The following LINGO2 variants were observed in gnomAD, a reference collection of about 807,000 sequenced individuals.
LINGO2 encodes the protein leucine rich repeat and Ig domain containing 2, also known as leucine-rich repeat and immunoglobulin-like domain-containing nogo receptor-interacting protein 2.
A neutral mutation model predicts 30.6 loss-of-function variants in LINGO2; 14 were observed. The ratio of observed to expected loss-of-function variants is 0.46; its 90% CI spans 0.30 to 0.72. The LOEUF is 0.72. LINGO2 is among the 30% of genes least tolerant of loss of function. The pLI, the probability that LINGO2 is intolerant of heterozygous loss-of-function variation, is 0.07. For synonymous variants in LINGO2, 317 were observed against 288.5 expected, an observed-to-expected ratio of 1.10 and a Z score of -1.00; for missense variants, 729 against 751.7, an observed-to-expected ratio of 0.97 and a Z score of 0.35.
chr9:28,459,407 G>A (rs1016913631), intron 2 of LINGO2, among the ~76,000 whole-genome samples: 10 of 152,204 alleles, frequency 6.6e-5, no homozygotes, highest in South Asian at 2.1e-4. Flanking sequence ...AGAGTCAGTA[G>A]GGATAGTGAT....
At chr9:28,102,200 T>C (rs1826438056) in intron 4 of LINGO2, among the ~76,000 whole-genome samples, 1 of 152,008 alleles carries the variant, frequency 6.6e-6, no homozygotes, top group Admixed American at 6.6e-5. Flanking sequence ...CTATAAAATA[T>C]TTCTGGTGGG....
chr9:28,729,868 T>G, the LINGO2 span, among the ~76,000 whole-genome samples: 1 of 151,812 alleles, frequency 6.6e-6, no homozygotes, highest in Non-Finnish European at 1.5e-5. Flanking sequence ...AGCATGAAAA[T>G]AAACTCTCAC....
intron 4 of LINGO2, among the ~76,000 whole-genome samples, chr9:28,137,821 T>C (rs578134844): frequency 6.6e-6 from 1 of 152,296 alleles, no homozygotes; most frequent in South Asian, 2.1e-4. Flanking sequence ...ACATGTATTT[T>C]GGTATACCTT....
intron 1 of LINGO2, among the ~76,000 whole-genome samples, chr9:28,496,533 A>C (rs1374944239): frequency 6.6e-6 from 1 of 151,104 alleles, no homozygotes; most frequent in Non-Finnish European, 1.5e-5. Context: ...CCTTCCCTTT[A>C]TTTTGAGCCT....
the LINGO2 span, among the ~76,000 whole-genome samples, chr9:29,011,842 T>A: frequency 0.87 from 132,843 of 152,182 alleles, 58,616 homozygotes; most frequent in Non-Finnish European, 0.93. Flanking sequence ...ACATTAGTCA[T>A]CATCTATTTA....
At chr9:28,905,909 A>G in the LINGO2 span, among the ~76,000 whole-genome samples, 5 of 152,228 alleles carry the variant, frequency 3.3e-5, no homozygotes, top group East Asian at 9.6e-4. Flanking sequence ...AATCAACCCA[A>G]GTGTCCATTA....
the LINGO2 span, among the ~76,000 whole-genome samples, chr9:28,881,866 C>T: frequency 6.6e-6 from 1 of 152,218 alleles, no homozygotes; most frequent in Non-Finnish European, 1.5e-5. Flanking sequence ...CATGTGTGCT[C>T]ATCATTTAGC....
the LINGO2 span, among the ~76,000 whole-genome samples, chr9:29,080,635 T>C: frequency 6.6e-6 from 1 of 152,138 alleles, no homozygotes; most frequent in Non-Finnish European, 1.5e-5. Flanking sequence ...GAGATTCTGG[T>C]ATGTTGTGTC....
intron 1 of LINGO2, among the ~76,000 whole-genome samples, chr9:28,575,328 G>A (rs753367463): frequency 5.3e-5 from 8 of 151,658 alleles, no homozygotes; most frequent in Non-Finnish European, 7.4e-5. Context: ...GAACCTCGGC[G>A]GCAGAGGTTG....
chr9:28,512,171 C>G (rs140661596), intron 1 of LINGO2, among the ~76,000 whole-genome samples: 169 of 152,188 alleles, frequency 1.1e-3, no homozygotes, highest in African/African-American at 3.9e-3. Flanking sequence ...GCATGAGCCA[C>G]TTTATGGCCT....
chr9:28,100,470 T>C (rs1302008021), intron 4 of LINGO2, among the ~76,000 whole-genome samples: 1 of 152,052 alleles, frequency 6.6e-6, no homozygotes, highest in Non-Finnish European at 1.5e-5. Context: ...TTATGTGAAG[T>C]AGAGAGAAAT....
chr9:28,227,337 T>G (rs929218298), intron 4 of LINGO2, among the ~76,000 whole-genome samples: 1 of 152,072 alleles, frequency 6.6e-6, no homozygotes, highest in Non-Finnish European at 1.5e-5. Context: ...TTAGGAGAGA[T>G]AGAGCAGCTG....
At chr9:28,613,016 A>T (rs1825984560) in intron 1 of LINGO2, among the ~76,000 whole-genome samples, 1 of 151,976 alleles carries the variant, frequency 6.6e-6, no homozygotes, top group Admixed American at 6.6e-5. Context: ...AGATCTGTTG[A>T]TTTTATAAGT....
At chr9:28,824,453 G>A in the LINGO2 span, among the ~76,000 whole-genome samples, 1 of 152,150 alleles carries the variant, frequency 6.6e-6, no homozygotes, top group Non-Finnish European at 1.5e-5. Flanking sequence ...TGAGGGACTA[G>A]AAATTAGGCA....
At chr9:29,078,833 G>T in the LINGO2 span, among the ~76,000 whole-genome samples, 1 of 151,864 alleles carries the variant, frequency 6.6e-6, no homozygotes, top group Non-Finnish European at 1.5e-5. Flanking sequence ...CCAACTACCT[G>T]CATCAGAATC....
chr9:28,092,901 A>G (rs912913418), intron 4 of LINGO2, among the ~76,000 whole-genome samples: 1 of 152,060 alleles, frequency 6.6e-6, no homozygotes, highest in African/African-American at 2.4e-5. Context: ...TATACCAGAC[A>G]TTGGACTAAG....
At chr9:28,128,574 G>T (rs1827301139) in intron 4 of LINGO2, among the ~76,000 whole-genome samples, 1 of 152,154 alleles carries the variant, frequency 6.6e-6, no homozygotes, top group African/African-American at 2.4e-5. Context: ...GCTAAAGTTG[G>T]ATAAGGGCTG....
At chr9:28,795,090 TCC>T in the LINGO2 span, among the ~76,000 whole-genome samples, 2 of 152,032 alleles carry the variant, frequency 1.3e-5, no homozygotes, top group Non-Finnish European at 2.9e-5. Flanking sequence ...ACCTCGGCCT[TCC>T]CATAGTGCTG....
the LINGO2 span, among the ~76,000 whole-genome samples, chr9:28,736,374 G>A: frequency 0.92 from 140,676 of 152,242 alleles, 65,852 homozygotes; most frequent in Non-Finnish European, 1. Flanking sequence ...GAGTCAGAAC[G>A]GTGTGGAAAT....
Sources: gnomAD v4.1 joint callset for allele counts (sites outside exome capture counted in the v4.1 genomes callset) on GRCh38, gnomAD v4.1.1 for gene constraint, MANE v1.5 for transcripts, NCBI Gene and HGNC (gene_info 2026-07-23, HGNC 2026-07-21) for gene names.